PTPRN: variants seen among roughly 807,000 people sequenced by gnomAD.
PTPRN encodes protein tyrosine phosphatase receptor type N.
PTPRN carries 70 observed loss-of-function variants against 108.5 expected under a neutral mutation model. The ratio of observed to expected loss-of-function variants is 0.65; its 90% CI spans 0.53 to 0.79. The LOEUF (loss-of-function observed/expected upper bound fraction) is 0.79. Ranked by LOEUF, PTPRN falls within the 30% of genes least tolerant of loss-of-function variation. The probability of loss-of-function intolerance (pLI) is 0.00; values close to 1 mark genes in which losing one functional copy is unlikely to be tolerated. For synonymous variants in PTPRN, 496 were observed against 524.6 expected, an observed-to-expected ratio of 0.95 and a Z score of 0.75; for missense variants, 1,136 against 1,295.5, an observed-to-expected ratio of 0.88 and a Z score of 1.89.
In PTPRN at chr2:219,297,509, TC is replaced by T. The variant is rs1952232605; in HGVS notation, c.1888-77del. 1.4e-6 allele frequency: 2 copies of T among 1,411,042 alleles called. No homozygotes were observed. Among genetic ancestry groups the T allele is most frequent in the African/African-American group, 2.8e-5 (2 of 70,732 alleles). 87.4% of individuals were successfully genotyped at this position (1,411,042 alleles called of 1,614,324 possible). On this transcript the variant is annotated intron_variant, in intron 13 of 22. Coordinates refer to ENST00000295718, the MANE Select transcript of PTPRN (RefSeq NM_002846.4). The surrounding 1 kb of genome is among the most constrained non-coding windows in gnomAD (Gnocchi z 6.0). ...CAGGGCCCTGGGTTCAACTCTGGGCTCCTAGGCTTGCCCTTGACTGATTTTC... is the reference window on the plus strand; with the variant it reads ...CAGGGCCCTGGGTTCAACTCTGGGCTCTAGGCTTGCCCTTGACTGATTTTC...
intron 6 of PTPRN, 53 bp downstream of exon 6, chr2:219,302,084 T>C: frequency 6.8e-7 from 1 of 1,460,908 alleles, no homozygotes; most frequent in Non-Finnish European, 9.2e-7. Context: ...GGCCCCACCA[T>C]GGTTCCCCCA....
chr2:219,294,488 C>G (rs1366896094), intron 19 of PTPRN, among the ~76,000 whole-genome samples: 8 of 109,918 alleles, frequency 7.3e-5, no homozygotes. Flanking sequence ...AAAAAAGAGG[C>G]GAAGAGACGG....
In PTPRN at chr2:219,303,806, G is replaced by A. The variant is rs1281500828; in HGVS notation, c.306C>T (p.Thr102=). The change falls in exon 4 of 23, where the codon ACC becomes ACT. Residue 102 remains threonine (T), a synonymous_variant. Coordinates refer to ENST00000295718, the MANE Select transcript of PTPRN (RefSeq NM_002846.4). ...SQGLSWHDDL[T]QYVISQEMER... Reference sequence around the variant, plus strand: ...CCATCTCCTGAGAGATCACATACTGGGTGAGGTCATCGTGCCAGGACAATC... The same window carrying A: ...CCATCTCCTGAGAGATCACATACTGAGTGAGGTCATCGTGCCAGGACAATC... The A allele has an allele frequency of 1.2e-6, 2 of 1,613,648 alleles. No individual in the cohort carries two copies. Among genetic ancestry groups the A allele is most frequent in the Admixed American group, 3.3e-5 (2 of 59,982 alleles).
Position 219,297,899 on chromosome 2 carries a change from T to C in PTPRN, c.1873A>G (p.Thr625Ala). ...LGPEGAHGDT[T>A]FEYQDLCRQH... ...GGGCTGCACACCTGGTACTCAAAGGTAGTGTCACCATGGGCCCCCTCAGGC... is the reference window on the plus strand; with the variant it reads ...GGGCTGCACACCTGGTACTCAAAGGCAGTGTCACCATGGGCCCCCTCAGGC... The change falls in exon 13 of 23, where the codon ACC becomes GCC. Residue 625 changes from threonine (T) to alanine (A), a missense_variant. Coordinates refer to ENST00000295718, the MANE Select transcript of PTPRN (RefSeq NM_002846.4). This position sits in a 1 kb window ranked among gnomAD's most constrained non-coding sequence, Gnocchi z 6.0. 1 of 1,609,666 alleles carries C rather than the reference T, an allele frequency of 6.2e-7. No homozygotes were observed. The highest frequency in any genetic ancestry group is 2.2e-5 in the East Asian group (1 of 44,780).
At chr2:219,300,319 G>C in intron 8 of PTPRN, 60 bp from the exon 9 acceptor site, 1 of 1,489,176 alleles carries the variant, frequency 6.7e-7, no homozygotes, top group Non-Finnish European at 8.9e-7. Flanking sequence ...GGGTACCCTG[G>C]ACTCGGAGCT....
At chr2:219,294,183 G>T in intron 19 of PTPRN, 1 of 502,166 alleles carries the variant, frequency 2.0e-6, no homozygotes. Flanking sequence ...TCACAAAAAT[G>T]ACACTGGCAG....
At position 219,302,484 on chromosome 2, in the gene PTPRN, G is replaced by C. The variant is rs753314558; in HGVS notation, c.647C>G (p.Ser216Cys). 1 of 1,613,868 alleles carries C rather than the reference G, an allele frequency of 6.2e-7. No individual in the cohort carries two copies. Among genetic ancestry groups the C allele is most frequent in the South Asian group, 1.1e-5 (1 of 91,078 alleles). Residue 216 changes from serine to cysteine, a missense_variant, in exon 6 of 23, where the codon TCC becomes TGC. Physicochemically the swap from Ser to Cys is moderately radical, Grantham distance 112. Coordinates refer to ENST00000295718, the MANE Select transcript of PTPRN (RefSeq NM_002846.4). Reference sequence around the variant, plus strand: ...CTCTGAGACCCTGGAGCCATCACGGGAGCCAAACTGTGGAAAACCAGAGAT... The same window carrying C: ...CTCTGAGACCCTGGAGCCATCACGGCAGCCAAACTGTGGAAAACCAGAGAT... ...LQPYLFHQFGSRDGSRVSEGS... is the reference protein window; with the variant it reads ...LQPYLFHQFGCRDGSRVSEGS...
Position 219,296,619 on chromosome 2 carries a change from C to G in PTPRN, c.2311-103G>C. On this transcript the variant is annotated intron_variant, in intron 16 of 22. Coordinates refer to ENST00000295718, the MANE Select transcript of PTPRN (RefSeq NM_002846.4). The surrounding 1 kb of genome is among the most constrained non-coding windows in gnomAD (Gnocchi z 6.0). ...AGGGTCTGAGAAGGCTGGCAGTTCC[C>G]CCTTGCTAGGATATCAGGCCCCACC... 6.4e-7 allele frequency: 1 copy of G among 1,563,168 alleles called. No individual in the cohort carries two copies. The highest frequency in any genetic ancestry group is 8.8e-7 in the Non-Finnish European group (1 of 1,139,754).
intron 2 of PTPRN, 38 bp downstream of exon 2, chr2:219,307,754 C>G: frequency 6.2e-7 from 1 of 1,608,796 alleles, no homozygotes; most frequent in African/African-American, 1.3e-5. Flanking sequence ...GCCCCTCTCC[C>G]CCCGATCTTG....
chr2:219,296,317 A>G lies in PTPRN; in HGVS notation c.2417T>C (p.Ile806Thr). Residue 806 changes from isoleucine (I) to threonine (T), a missense_variant, in exon 18 of 23, where the codon ATC (isoleucine) becomes ACC (threonine). Ile to Thr is a moderately conservative substitution (Grantham distance 89, BLOSUM62 -1). Coordinates refer to ENST00000295718, the MANE Select transcript of PTPRN (RefSeq NM_002846.4). The surrounding 1 kb of genome is among the most constrained non-coding windows in gnomAD (Gnocchi z 6.0). ...QMVWESGCTVIVMLTPLVEDG... is the reference protein window; with the variant it reads ...QMVWESGCTVTVMLTPLVEDG... ...CTCCACCAGCGGGGTCAGCATGACG[A>G]TGACGGTGCAGCCGCTCTCCCACAC... 2 of 1,614,124 alleles carry G rather than the reference A, an allele frequency of 1.2e-6. No homozygotes were observed. The highest frequency in any genetic ancestry group is 1.7e-6 in the Non-Finnish European group (2 of 1,180,026).
In PTPRN at chr2:219,297,151, C is replaced by T. The variant is rs775382920; in HGVS notation, c.2089-19G>A. On this transcript the variant is annotated intron_variant, in intron 14 of 22. Coordinates refer to ENST00000295718, the MANE Select transcript of PTPRN (RefSeq NM_002846.4). This position sits in a 1 kb window ranked among gnomAD's most constrained non-coding sequence, Gnocchi z 6.0. Reference sequence around the variant, plus strand: ...TGTATGCCTGTGGGGGCACCACGGTCTGGCTCTGGCCCACACAGCCAGCCT... The same window carrying T: ...TGTATGCCTGTGGGGGCACCACGGTTTGGCTCTGGCCCACACAGCCAGCCT... 14 of 1,613,082 alleles carry T rather than the reference C, an allele frequency of 8.7e-6. No homozygotes were observed. The Admixed American group carries it at 1.3e-4, about 15-fold the overall frequency.
In PTPRN at chr2:219,296,825, G is replaced by C; in HGVS notation, c.2237-3C>G. The C allele has an allele frequency of 6.2e-7, 1 of 1,614,060 alleles. No individual in the cohort carries two copies. The highest frequency in any genetic ancestry group is 8.5e-7 in the Non-Finnish European group (1 of 1,179,992). ...CAGTTTTATGCGGGCATGGTCATCTGCACAGACCCGACACCCCACCCCAGA... is the reference window on the plus strand; with the variant it reads ...CAGTTTTATGCGGGCATGGTCATCTCCACAGACCCGACACCCCACCCCAGA... On this transcript the variant is annotated splice_region_variant and splice_polypyrimidine_tract_variant and intron_variant, in intron 15 of 22. Transcript: ENST00000295718. This position sits in a 1 kb window ranked among gnomAD's most constrained non-coding sequence, Gnocchi z 6.0.
rs540536082 is a variant in PTPRN, at chr2:219,298,551, A to G, written c.1669-448T>C. Among the ~76,000 whole-genome samples, 9 of 142,484 alleles carry G rather than the reference A, an allele frequency of 6.3e-5. No homozygotes were observed. In the South Asian group the frequency reaches 1.7e-3, roughly 26 times the overall value. 93.5% of individuals were successfully genotyped at this position (142,484 alleles called of 152,430 possible). ...GAAACCCCATCTCTACTAAAAATAC[A>G]AAAAAAAATTTAGCCGGGTGTGGTG... is the stretch of plus-strand genomic sequence containing the variant. On this transcript the variant is annotated intron_variant, in intron 12 of 22. Transcript: ENST00000295718.
At position 219,307,201 on chromosome 2, in the gene PTPRN, T is replaced by C. The variant is rs1952504851; in HGVS notation, c.280+243A>G. The C allele has an allele frequency of 6.8e-6, 3 of 442,336 alleles. No homozygotes were observed. In the Admixed American group the frequency reaches 1.1e-4, roughly 16 times the overall value. The allele number at this position is 442,336 out of a possible 1,614,324, so 27.4% of individuals were successfully genotyped here. ...AGACAATGCCAGTGAGAGGAACTGG[T>C]CCTAAGAAGATGGAAGCTGGCCTTT... On this transcript the variant is annotated intron_variant, in intron 3 of 22. Transcript: ENST00000295718.
chr2:219,298,896 CG>C (rs1398403683), intron 12 of PTPRN, 150 bp downstream of exon 12: 2 of 826,732 alleles, frequency 2.4e-6, no homozygotes, highest in Non-Finnish European at 4.2e-6. Flanking sequence ...AAGAGAACTG[CG>C]GGGAGGGGCT....
chr2:219,296,864 A>G lies in PTPRN; in HGVS notation c.2237-42T>C. On this transcript the variant is annotated intron_variant, in intron 15 of 22. Transcript: ENST00000295718. This position sits in a 1 kb window ranked among gnomAD's most constrained non-coding sequence, Gnocchi z 6.0. ...CCCCACCCCAGATGGCCCTCTGGTC[A>G]TTGGCATCGCGGGACCTCTGCCACT... 1.9e-6 allele frequency: 3 copies of G among 1,613,732 alleles called. No individual in the cohort carries two copies. Among genetic ancestry groups the G allele is most frequent in the Non-Finnish European group, 2.5e-6 (3 of 1,179,770 alleles).
Position 219,296,372 on chromosome 2 carries a change from C to T in PTPRN, c.2389-27G>A. On this transcript the variant is annotated intron_variant, in intron 17 of 22. Coordinates refer to ENST00000295718, the MANE Select transcript of PTPRN (RefSeq NM_002846.4). The surrounding 1 kb of genome is among the most constrained non-coding windows in gnomAD (Gnocchi z 6.0). ...TAGGGACAGAGACCCAGTTGAGCTC[C>T]ACTCTAACCTCCCTGGGACCTCGTG... The T allele has an allele frequency of 1.2e-6, 2 of 1,614,172 alleles. No individual in the cohort carries two copies. The highest frequency in any genetic ancestry group is 1.7e-6 in the Non-Finnish European group (2 of 1,180,008).
intron 1 of PTPRN, chr2:219,308,151 C>T (rs1428329752): frequency 2.8e-6 from 1 of 352,468 alleles, no homozygotes; most frequent in African/African-American, 2.2e-5. Flanking sequence ...AGGTTTTGGC[C>T]AAATTCTGAA....
intron 19 of PTPRN, 28 bp downstream of exon 19, chr2:219,294,947 C>T (rs778601212): frequency 1.0e-5 from 15 of 1,490,250 alleles, no homozygotes; most frequent in Non-Finnish European, 1.2e-5. Context: ...CCCATGCGGT[C>T]CCTCCAGGCG....
Sources: gnomAD v4.1 joint callset for allele counts (sites outside exome capture counted in the v4.1 genomes callset) on GRCh38, gnomAD v4.1.1 for gene constraint, Gnocchi (gnomAD v3.1) non-coding constraint, MANE v1.5 for transcripts, NCBI Gene and HGNC (gene_info 2026-07-23, HGNC 2026-07-21) for gene names.